The following FANCC variants were observed in gnomAD, a reference collection of about 807,000 sequenced individuals.
The protein encoded by FANCC is FA complementation group C.
A neutral mutation model predicts 71.3 loss-of-function variants in FANCC; 55 were observed. The observed-to-expected ratio is 0.77, with a 90% CI of 0.62 to 0.97. FANCC has a LOEUF of 0.97. FANCC is among the 50% of genes least tolerant of loss of function. FANCC has a pLI of 0.00. For synonymous variants in FANCC, 275 were observed against 244.9 expected (o/e 1.12, Z -1.15); for missense variants, 678 against 670.9 (o/e 1.01, Z -0.12).
chr9:95,198,005 A>T (rs1401845836), intron 4 of FANCC, among the ~76,000 whole-genome samples: 1 of 152,152 alleles, frequency 6.6e-6, no homozygotes, highest in Non-Finnish European at 1.5e-5. Context: ...GAAGGTCTAC[A>T]ATCAAGAATA....
At chr9:95,225,864 GT>G (rs1829580334) in intron 4 of FANCC, among the ~76,000 whole-genome samples, 1 of 152,128 alleles carries the variant, frequency 6.6e-6, no homozygotes, top group East Asian at 1.9e-4. Flanking sequence ...AGTTTAAGAA[GT>G]TCAGTGCACT....
intron 7 of FANCC, among the ~76,000 whole-genome samples, chr9:95,142,283 G>A (rs148420433): frequency 2.0e-5 from 3 of 152,056 alleles, no homozygotes; most frequent in South Asian, 2.1e-4. Context: ...GTGAGCCACC[G>A]TGCCCGGCCA....
intron 8 of FANCC, among the ~76,000 whole-genome samples, chr9:95,130,206 G>A (rs1826675363): frequency 6.6e-6 from 1 of 152,012 alleles, no homozygotes; most frequent in Non-Finnish European, 1.5e-5. Flanking sequence ...CAAGCCACTT[G>A]CCACTTGAAA....
At chr9:95,301,174 A>AC (rs1834703132) in intron 1 of FANCC, among the ~76,000 whole-genome samples, 1 of 118,740 alleles carries the variant, frequency 8.4e-6, no homozygotes, top group Non-Finnish European at 1.7e-5. Context: ...ATAACCATCA[A>AC]AACACACACA....
At chr9:95,171,293 G>A (rs1825663358) in intron 5 of FANCC, 150 bp from the exon 6 acceptor site, 1 of 689,964 alleles carries the variant, frequency 1.4e-6, no homozygotes, top group Admixed American at 2.2e-5. Flanking sequence ...AGGAAGCAGT[G>A]CCATGTCACA....
chr9:95,180,016 G>C (rs1377991310), intron 4 of FANCC, among the ~76,000 whole-genome samples: 1 of 152,234 alleles, frequency 6.6e-6, no homozygotes, highest in Non-Finnish European at 1.5e-5. Context: ...ATTCTATCTT[G>C]TGGTTACAAA....
intron 4 of FANCC, among the ~76,000 whole-genome samples, chr9:95,210,039 C>A (rs1316446943): frequency 6.6e-6 from 1 of 152,042 alleles, no homozygotes; most frequent in Non-Finnish European, 1.5e-5. Context: ...CTACATGCAC[C>A]AACATGAACA....
chr9:95,214,981 A>C (rs1006895953), intron 4 of FANCC, among the ~76,000 whole-genome samples: 5 of 152,216 alleles, frequency 3.3e-5, no homozygotes, highest in Non-Finnish European at 7.3e-5. Flanking sequence ...AATGGTTAAG[A>C]TAATAAATTT....
Position 95,101,721 on chromosome 9 carries a change from G to A in FANCC, c.1663C>T (p.Arg555Ter), listed in dbSNP as rs370974124. The change falls in exon 15 of 15, where the codon CGA (arginine) becomes TGA (stop). Residue 555 changes from arginine (R) to a stop codon, truncating the protein, a stop_gained. Coordinates refer to ENST00000289081, the MANE Select transcript of FANCC (RefSeq NM_000136.3). LOFTEE classifies it high-confidence loss of function. ...CTGCGTGCCTTCTAGACTTGAGTTC[G>A]CAGCTCTTTAAGGAGCTCTCGGGCC... ...KLARELLKEL[R>*]TQV is the part of the protein sequence containing the mutation. The A allele has an allele frequency of 1.5e-5, 25 of 1,613,828 alleles. No individual in the cohort carries two copies. The highest frequency in any genetic ancestry group is 5.3e-5 in the African/African-American group (4 of 74,904).
intron 1 of FANCC, among the ~76,000 whole-genome samples, chr9:95,285,215 T>C (rs1833620443): frequency 6.6e-6 from 1 of 151,990 alleles, no homozygotes; most frequent in African/African-American, 2.4e-5. Flanking sequence ...CTAGGGAGAA[T>C]ATAACTATGA....
At chr9:95,217,286 C>T (rs1828926908) in intron 4 of FANCC, among the ~76,000 whole-genome samples, 1 of 152,038 alleles carries the variant, frequency 6.6e-6, no homozygotes, top group South Asian at 2.1e-4. Context: ...GAGATCGAGA[C>T]CATCCTGCGT....
At chr9:95,107,404 G>A (rs774794563) in intron 13 of FANCC, 135 bp from the exon 14 acceptor site, 67 of 957,710 alleles carry the variant, frequency 7.0e-5, no homozygotes, top group Admixed American at 1.2e-4. Context: ...GCTAGGCAGC[G>A]GCCGAATTTA....
chr9:95,200,649 G>GT (rs1324468271), intron 4 of FANCC, among the ~76,000 whole-genome samples: 4 of 152,094 alleles, frequency 2.6e-5, no homozygotes, highest in Admixed American at 1.3e-4. Flanking sequence ...CTGCCCTGGG[G>GT]TATCATGAGG....
At chr9:95,265,753 A>C (rs987760846) in intron 1 of FANCC, among the ~76,000 whole-genome samples, 2 of 152,210 alleles carry the variant, frequency 1.3e-5, no homozygotes, top group African/African-American at 2.4e-5. Flanking sequence ...ATTTATTACT[A>C]CCTAAACAAA....
intron 4 of FANCC, among the ~76,000 whole-genome samples, chr9:95,183,336 T>C (rs1363389386): frequency 2.6e-5 from 4 of 152,234 alleles, no homozygotes; most frequent in Non-Finnish European, 4.4e-5. Flanking sequence ...ACCGTTAGCA[T>C]GCAGGCGCTC....
chr9:95,231,534 C>T (rs779523505), intron 4 of FANCC, among the ~76,000 whole-genome samples: 1 of 152,154 alleles, frequency 6.6e-6, no homozygotes, highest in Non-Finnish European at 1.5e-5. Flanking sequence ...CCCCTGTCTC[C>T]CCATTTTCTT....
chr9:95,134,836 G>A (rs754495253), intron 8 of FANCC, among the ~76,000 whole-genome samples: 7 of 152,178 alleles, frequency 4.6e-5, no homozygotes, highest in African/African-American at 7.2e-5. Flanking sequence ...GGAGCCAGGC[G>A]CCACCGCGCA....
At chr9:95,120,922 G>C (rs1315171862) in intron 10 of FANCC, among the ~76,000 whole-genome samples, 1 of 151,958 alleles carries the variant, frequency 6.6e-6, no homozygotes, top group Non-Finnish European at 1.5e-5. Context: ...GGCACCTTAA[G>C]TCAATCAGAT....
At chr9:95,265,929 G>A (rs969240156) in intron 1 of FANCC, among the ~76,000 whole-genome samples, 3 of 152,182 alleles carry the variant, frequency 2.0e-5, no homozygotes, top group Admixed American at 6.5e-5. Context: ...TGGGAGAGAA[G>A]GAAACACAGG....
Sources: allele counts gnomAD v4.1 joint callset (sites outside exome capture counted in the v4.1 genomes callset), GRCh38; gene constraint gnomAD v4.1.1; transcripts MANE v1.5; gene names NCBI Gene and HGNC (gene_info 2026-07-23, HGNC 2026-07-21).